The following HERPUD2 variants were observed in gnomAD, a reference collection of about 807,000 sequenced individuals.
The protein encoded by HERPUD2 is HERPUD family member 2.
Under a neutral mutation model 49.9 loss-of-function variants are expected in HERPUD2, and 13 were observed. The ratio of observed to expected loss-of-function variants is 0.26; its 90% confidence interval spans 0.17 to 0.41. The LOEUF is 0.41. HERPUD2 is among the 10% of genes least tolerant of loss of function. The pLI, the probability that HERPUD2 is intolerant of heterozygous loss-of-function variation, is 1.00. For synonymous variants in HERPUD2, 172 were observed against 171.4 expected (o/e 1.00, Z -0.03); for missense variants, 449 against 492.2 (o/e 0.91, Z 0.83).
chr7:35,651,607 C>A (rs1401543986), intron 5 of HERPUD2, among the ~76,000 whole-genome samples: 1 of 151,660 alleles, frequency 6.6e-6, no homozygotes, highest in Non-Finnish European at 1.5e-5. Flanking sequence ...AAAGCAAATG[C>A]AAAAAACTGA....
At chr7:35,675,536 T>C (rs1785743017) in intron 2 of HERPUD2, among the ~76,000 whole-genome samples, 1 of 152,198 alleles carries the variant, frequency 6.6e-6, no homozygotes, top group Admixed American at 6.5e-5. Flanking sequence ...TAGATACTTT[T>C]ACGTCATATC....
At chr7:35,643,512 C>A (rs1438765047) in intron 5 of HERPUD2, among the ~76,000 whole-genome samples, 1 of 152,014 alleles carries the variant, frequency 6.6e-6, no homozygotes, top group Non-Finnish European at 1.5e-5. Flanking sequence ...TAGATATTTA[C>A]ATGAAATTTT....
chr7:35,682,339 GTGTGTGTGTGTGTGTGTGTATATATATA>G (rs1785922737), intron 2 of HERPUD2, among the ~76,000 whole-genome samples: 3 of 22,698 alleles, frequency 1.3e-4, no homozygotes, highest in African/African-American at 4.6e-4. Context: ...GTGTGTGTGT[GTGTGTGTGTGTGTGTGTGTATATATATA>G]TATATATATA....
chr7:35,680,664 C>T lies in HERPUD2; in HGVS notation c.148-7386G>A, dbSNP rs144953515. Among the ~76,000 whole-genome samples the T allele has an allele frequency of 5.7e-3, 865 of 152,326 alleles. 6 individuals carry two copies. The highest frequency in any genetic ancestry group is 0.048 in the Middle Eastern group (14 of 294). Reference sequence around the variant, plus strand: ...TGTATTCTCCCCCAGCTCTTGCATACCTGACTCTTAATCACCTTTTAGATT... The same window carrying T: ...TGTATTCTCCCCCAGCTCTTGCATATCTGACTCTTAATCACCTTTTAGATT... On this transcript the variant is annotated intron_variant, in intron 2 of 8. Transcript: ENST00000311350.
At chr7:35,684,909 T>TA (rs1378761002) in intron 2 of HERPUD2, among the ~76,000 whole-genome samples, 1 of 151,854 alleles carries the variant, frequency 6.6e-6, no homozygotes, top group African/African-American at 2.4e-5. Flanking sequence ...AAAAATAAAA[T>TA]AAAAGGAAAA....
At position 35,694,487 on chromosome 7, in the gene HERPUD2, T is replaced by C. The variant is rs532829068; in HGVS notation, c.-157A>G. ...AGTGCACTGGAGGATACGAAGCCCATTGCCGGTACCAAGGATGGACTGAGG... is the reference window on the plus strand; with the variant it reads ...AGTGCACTGGAGGATACGAAGCCCACTGCCGGTACCAAGGATGGACTGAGG... On this transcript the variant is annotated 5_prime_UTR_variant, in exon 2 of 9. It removes an upstream start codon present in the reference 5' UTR. Coordinates refer to ENST00000311350, the MANE Select transcript of HERPUD2 (RefSeq NM_022373.5). The C allele has an allele frequency of 5.7e-4, 411 of 723,736 alleles. No homozygotes were observed. Among genetic ancestry groups the C allele is most frequent in the Admixed American group, 1.1e-3 (43 of 38,574 alleles). The allele number at this position is 723,736 out of a possible 1,614,324, so 44.8% of individuals were successfully genotyped here.
At chr7:35,657,326 T>C (rs1785296032) in intron 5 of HERPUD2, among the ~76,000 whole-genome samples, 1 of 152,032 alleles carries the variant, frequency 6.6e-6, no homozygotes, top group Non-Finnish European at 1.5e-5. Context: ...TTACCCCTGT[T>C]AGAATGGCTA....
chr7:35,694,099 T>C (rs1786259667), intron 2 of HERPUD2, 85 bp downstream of exon 2: 1 of 1,430,668 alleles, frequency 7.0e-7, no homozygotes, highest in Non-Finnish European at 9.8e-7. Context: ...GATTCAAGAC[T>C]GGAGGGGAGA....
chr7:35,634,256 A>T, intron 8 of HERPUD2, 56 bp downstream of exon 8: 1 of 1,105,498 alleles, frequency 9.0e-7, no homozygotes, highest in Non-Finnish European at 1.4e-6. Context: ...TGTTGGTCCC[A>T]TACCGTGCTG....
At chr7:35,635,826 T>TCC (rs1172674744) in intron 6 of HERPUD2, among the ~76,000 whole-genome samples, 1 of 152,196 alleles carries the variant, frequency 6.6e-6, no homozygotes, top group African/African-American at 2.4e-5. Context: ...GGATGAATAC[T>TCC]CCCAAGCTCA....
rs1030698191 is a variant in HERPUD2, at chr7:35,633,469, C to T, written c.*221G>A. The T allele has an allele frequency of 3.8e-5, 13 of 338,442 alleles. No individual in the cohort carries two copies. Among genetic ancestry groups the T allele is most frequent in the African/African-American group, 2.0e-4 (9 of 44,712 alleles). 21.0% of individuals were successfully genotyped at this position (338,442 alleles called of 1,614,324 possible). A position where few individuals can be genotyped will look rare whatever the true frequency, so the allele number is the denominator to read the frequency against. The stretch of plus-strand genomic sequence containing the variant: ...AACACCTGGAAGACCAATATTGTTA[C>T]GCTATGTTCTGTTAGGATCTTTAAA... On this transcript the variant is annotated 3_prime_UTR_variant, in exon 9 of 9. Coordinates refer to ENST00000311350, the MANE Select transcript of HERPUD2 (RefSeq NM_022373.5).
chr7:35,669,324 T>C (rs1297485488), intron 4 of HERPUD2, among the ~76,000 whole-genome samples: 2 of 152,194 alleles, frequency 1.3e-5, no homozygotes, highest in Non-Finnish European at 2.9e-5. Context: ...CTGGAGAAGC[T>C]AGTTTCTTAA....
chr7:35,686,833 G>C lies in HERPUD2; in HGVS notation c.147+7351C>G, dbSNP rs1562688747. On this transcript the variant is annotated intron_variant, in intron 2 of 8. Transcript: ENST00000311350. ...TGGGGGGGGGGGGGTGGGGGGGTGG[G>C]GGGGGGCGCGAGTCACGAGGTCAGG... 1.4e-4 allele frequency among the ~76,000 whole-genome samples: 12 copies of C among 83,822 alleles called. 4 individuals are homozygous for C. The highest frequency in any genetic ancestry group is 2.6e-4 in the African/African-American group (5 of 19,226). The allele number at this position is 83,822 out of a possible 152,430, so 55.0% of individuals were successfully genotyped here.
At chr7:35,650,358 C>A (rs1166589272) in intron 5 of HERPUD2, among the ~76,000 whole-genome samples, 2 of 152,116 alleles carry the variant, frequency 1.3e-5, no homozygotes, top group African/African-American at 4.8e-5. Flanking sequence ...ATTCCCACTG[C>A]AGACTCCTGT....
intron 2 of HERPUD2, among the ~76,000 whole-genome samples, chr7:35,692,313 T>C (rs1167028416): frequency 7.9e-5 from 12 of 152,202 alleles, no homozygotes. Context: ...CAGGTACTTT[T>C]TTTTAAAAAA....
chr7:35,669,710 A>G (rs1458236632), intron 4 of HERPUD2, among the ~76,000 whole-genome samples: 1 of 152,158 alleles, frequency 6.6e-6, no homozygotes, highest in East Asian at 1.9e-4. Context: ...TTAATACATT[A>G]AGTATTTCCT....
intron 2 of HERPUD2, among the ~76,000 whole-genome samples, chr7:35,678,850 T>C (rs1433083388): frequency 6.6e-6 from 1 of 152,138 alleles, no homozygotes; most frequent in African/African-American, 2.4e-5. Context: ...GTAAAAGTAA[T>C]GGAATTTGTC....
intron 5 of HERPUD2, among the ~76,000 whole-genome samples, chr7:35,664,896 G>A (rs559370723): frequency 5.3e-5 from 8 of 152,120 alleles, no homozygotes; most frequent in East Asian, 3.9e-4. Flanking sequence ...GCCTTCTCTC[G>A]ACTCGTCAAA....
intron 2 of HERPUD2, among the ~76,000 whole-genome samples, chr7:35,686,802 G>T (rs367972767): frequency 3.8e-5 from 2 of 53,126 alleles, no homozygotes; most frequent in Non-Finnish European, 7.6e-5. Context: ...CAGCACTTTG[G>T]GAGGCTGGGG....
Sources: gnomAD v4.1 joint callset for allele counts (sites outside exome capture counted in the v4.1 genomes callset) on GRCh38, gnomAD v4.1.1 for gene constraint, MANE v1.5 for transcripts, NCBI Gene and HGNC (gene_info 2026-07-23, HGNC 2026-07-21) for gene names.